Variants in ACSL3 observed in about 807,000 individuals in gnomAD.
ACSL3 encodes the protein fatty acid CoA ligase Acsl3.
A neutral mutation model predicts 84.7 loss-of-function variants in ACSL3; 34 were observed. The observed-to-expected ratio is 0.40, with a 90% confidence interval of 0.31 to 0.53. The LOEUF is 0.53. Among genes scored for constraint, ACSL3 ranks in the 20% least tolerant of loss-of-function variants. The probability of loss-of-function intolerance (pLI) is 0.48; values close to 1 mark genes in which losing one functional copy is unlikely to be tolerated. For missense variants in ACSL3, 680 were observed against 873.1 expected (o/e 0.78, Z 2.79); for synonymous variants, 315 against 299.4 (o/e 1.05, Z -0.54).
rs540736543 is a variant in ACSL3, at chr2:222,928,339, A to C, written c.1466-523A>C. On this transcript the variant is annotated intron_variant, in intron 12 of 16. Transcript: ENST00000357430. ...TACATTACATGGGAAAAGATTAGAG[A>C]GGTGTTTTATACTGCACATCGGTGA... Among the ~76,000 whole-genome samples, 7 of 152,326 alleles carry C rather than the reference A, an allele frequency of 4.6e-5. No homozygotes were observed. In the East Asian group the frequency reaches 1.3e-3, roughly 29 times the overall value.
At chr2:222,931,337 C>G (rs1402511098) in intron 14 of ACSL3, among the ~76,000 whole-genome samples, 1 of 151,612 alleles carries the variant, frequency 6.6e-6, no homozygotes, top group Non-Finnish European at 1.5e-5. Flanking sequence ...TGGCATGAAC[C>G]CGGGAGGCAG....
intron 1 of ACSL3, among the ~76,000 whole-genome samples, chr2:222,880,832 A>C (rs949939428): frequency 1.8e-4 from 21 of 116,694 alleles, no homozygotes; most frequent in East Asian, 4.1e-4. Context: ...TCTGTCTCCC[A>C]AAAAAAAAAA....
chr2:222,910,877 G>A lies in ACSL3; in HGVS notation c.378+1727G>A, dbSNP rs1400282370. Among the ~76,000 whole-genome samples, 3 of 152,008 alleles carry A rather than the reference G, an allele frequency of 2.0e-5. No individual in the cohort carries two copies. In the East Asian group the frequency reaches 5.8e-4, roughly 29 times the overall value. Reference sequence around the variant, plus strand: ...TTCTTTTGCAGACTTAGAAAAAACTGAATTTTTTTCTATTTAAGATCTCGC... The same window carrying A: ...TTCTTTTGCAGACTTAGAAAAAACTAAATTTTTTTCTATTTAAGATCTCGC... On this transcript the variant is annotated intron_variant, in intron 4 of 16. Coordinates refer to ENST00000357430, the MANE Select transcript of ACSL3 (RefSeq NM_004457.5).
Position 222,924,599 on chromosome 2 carries a change from A to G in ACSL3, c.1292+4A>G. 2 of 1,592,474 alleles carry G rather than the reference A, an allele frequency of 1.3e-6. No homozygotes were observed. Among genetic ancestry groups the G allele is most frequent in the Non-Finnish European group, 1.7e-6 (2 of 1,172,308 alleles). ...GTAATACTCCACTGTGCGACAGGTAAGTAAAGACTCTCTACCTCCTTCTTT... is the reference window on the plus strand; with the variant it reads ...GTAATACTCCACTGTGCGACAGGTAGGTAAAGACTCTCTACCTCCTTCTTT... On this transcript the variant is annotated splice_donor_region_variant and intron_variant, in intron 11 of 16. Transcript: ENST00000357430.
In ACSL3 at chr2:222,944,555, C is replaced by T. The variant is rs1469527012; in HGVS notation, c.*2901C>T. On this transcript the variant is annotated 3_prime_UTR_variant, in exon 17 of 17. Transcript: ENST00000357430. ...GCCTGAAGACGTGTATCATAAAGAG[C>T]TACATGGTATGGACTATTTATTTGT... 6.6e-6 allele frequency: 1 copy of T among 151,050 alleles called. No homozygotes were observed. Among genetic ancestry groups the T allele is most frequent in the African/African-American group, 2.4e-5 (1 of 41,058 alleles). The allele number at this position is 151,050 out of a possible 1,614,324, so 9.4% of individuals were successfully genotyped here. A position where few individuals can be genotyped will look rare whatever the true frequency, so the allele number is the denominator to read the frequency against.
chr2:222,863,983 T>C (rs1258635989), intron 1 of ACSL3, among the ~76,000 whole-genome samples: 1 of 152,180 alleles, frequency 6.6e-6, no homozygotes, highest in Non-Finnish European at 1.5e-5. Context: ...GGTTTTTTTT[T>C]TTCAAAGTGC....
At chr2:222,881,007 C>A (rs746197508) in intron 1 of ACSL3, among the ~76,000 whole-genome samples, 1 of 152,108 alleles carries the variant, frequency 6.6e-6, no homozygotes, top group Admixed American at 6.5e-5. Flanking sequence ...GTATTCATAA[C>A]TGTCGTTTAT....
chr2:222,931,997 T>C (rs1697042305), intron 14 of ACSL3, among the ~76,000 whole-genome samples: 1 of 152,164 alleles, frequency 6.6e-6, no homozygotes, highest in Non-Finnish European at 1.5e-5. Flanking sequence ...ATTGTGCCAC[T>C]GCACTCCAGT....
Position 222,942,912 on chromosome 2 carries a change from T to TTGTA in ACSL3, c.*1258_*1259insTGTA, listed in dbSNP as rs2106148801. 2 of 223,710 alleles carry TTGTA rather than the reference T, an allele frequency of 8.9e-6. No homozygotes were observed. The highest frequency in any genetic ancestry group is 4.5e-5 in the African/African-American group (2 of 44,798). The allele number at this position is 223,710 out of a possible 1,614,324, so 13.9% of individuals were successfully genotyped here. Reference sequence around the variant, plus strand: ...TCAGAAACCTTGCTTGTGTGATACATAGTCTCTTCATTTATTACTGCTTGT... The same window carrying TTGTA: ...TCAGAAACCTTGCTTGTGTGATACATTGTAAGTCTCTTCATTTATTACTGCTTGT... On this transcript the variant is annotated 3_prime_UTR_variant, in exon 17 of 17. Coordinates refer to ENST00000357430, the MANE Select transcript of ACSL3 (RefSeq NM_004457.5).
intron 16 of ACSL3, among the ~76,000 whole-genome samples, chr2:222,939,519 A>C (rs1175567859): frequency 6.6e-6 from 1 of 152,172 alleles, no homozygotes; most frequent in Non-Finnish European, 1.5e-5. Context: ...GACAGCTCCC[A>C]ACCTGGTGCC....
Position 222,928,710 on chromosome 2 carries a change from G to T in ACSL3, c.1466-152G>T, listed in dbSNP as rs992401347. On this transcript the variant is annotated intron_variant, in intron 12 of 16. Coordinates refer to ENST00000357430, the MANE Select transcript of ACSL3 (RefSeq NM_004457.5). ...AAAATACGACTCTACAGGCCTCACGGCCTGTGCTTCACCAATATGTGACTT... is the reference window on the plus strand; with the variant it reads ...AAAATACGACTCTACAGGCCTCACGTCCTGTGCTTCACCAATATGTGACTT... The T allele has an allele frequency of 7.4e-6, 5 of 677,204 alleles. No individual in the cohort carries two copies. In the African/African-American group the frequency reaches 9.4e-5, roughly 13 times the overall value. 41.9% of individuals were successfully genotyped at this position (677,204 alleles called of 1,614,324 possible).
At chr2:222,917,906 A>G in intron 5 of ACSL3, 140 bp from the exon 6 acceptor site, 1 of 492,642 alleles carries the variant, frequency 2.0e-6, no homozygotes, top group East Asian at 3.2e-5. Context: ...AGATAACTTT[A>G]AAAAACATAA....
At chr2:222,863,380 A>G (rs1695060038) in intron 1 of ACSL3, among the ~76,000 whole-genome samples, 1 of 152,220 alleles carries the variant, frequency 6.6e-6, no homozygotes, top group Non-Finnish European at 1.5e-5. Context: ...AGTTGTCAGC[A>G]ACAATAATTC....
chr2:222,920,158 T>G (rs1574555943), intron 7 of ACSL3, among the ~76,000 whole-genome samples: 1 of 152,140 alleles, frequency 6.6e-6, no homozygotes. Flanking sequence ...AGTGGTGGTG[T>G]TGGAGAAGGG....
intron 5 of ACSL3, chr2:222,917,388 CTCCTACA>C (rs1559295832): frequency 6.6e-6 from 1 of 152,218 alleles, no homozygotes; most frequent in Non-Finnish European, 1.5e-5. Flanking sequence ...CGTGCTAGGC[CTCCTACA>C]CCTTTTCTTT....
At chr2:222,889,219 C>T (rs1265392224) in intron 2 of ACSL3, among the ~76,000 whole-genome samples, 2 of 152,100 alleles carry the variant, frequency 1.3e-5, no homozygotes, top group African/African-American at 2.4e-5. Flanking sequence ...AGCTTCAGTG[C>T]ATTTATGTGT....
chr2:222,941,658 T>G lies in ACSL3; in HGVS notation c.*4T>G. On this transcript the variant is annotated 3_prime_UTR_variant, in exon 17 of 17. Transcript: ENST00000357430. ...GCGAATGTATGGAAGAAAATAATTA[T>G]TCTCTTCTGGCATCAGTTTGCTACA... The G allele has an allele frequency of 6.2e-7, 1 of 1,610,326 alleles. No individual in the cohort carries two copies. Among genetic ancestry groups the G allele is most frequent in the Middle Eastern group, 1.7e-4 (1 of 6,042 alleles).
At chr2:222,886,269 C>G (rs1333296699) in intron 1 of ACSL3, among the ~76,000 whole-genome samples, 1 of 152,084 alleles carries the variant, frequency 6.6e-6, no homozygotes, top group Non-Finnish European at 1.5e-5. Flanking sequence ...ATGTTCCCCT[C>G]CCTATATCCA....
chr2:222,920,933 G>T, intron 7 of ACSL3: 2 of 480,268 alleles, frequency 4.2e-6, no homozygotes, highest in Non-Finnish European at 8.5e-6. Flanking sequence ...CAGTTCCAGG[G>T]TTTCCATGGC....
Sources: gnomAD v4.1 joint callset for allele counts (sites outside exome capture counted in the v4.1 genomes callset) on GRCh38, gnomAD v4.1.1 for gene constraint, MANE v1.5 for transcripts, NCBI Gene and HGNC (gene_info 2026-07-23, HGNC 2026-07-21) for gene names.